The following TUB variants were observed in gnomAD, a reference collection of about 807,000 sequenced individuals.
TUB encodes the protein TUB bipartite transcription factor, also known as tubby protein homolog.
In TUB, 33 loss-of-function variants were observed where a neutral mutation model predicts 59.7. The observed-to-expected ratio is 0.55, with a 90% confidence interval of 0.42 to 0.74. The LOEUF (loss-of-function observed/expected upper bound fraction) is 0.74. TUB is among the 30% of genes least tolerant of loss of function. The pLI is 0.00. For missense variants in TUB, 659 were observed against 672.0 expected, an observed-to-expected ratio of 0.98 and a Z score of 0.21; for synonymous variants, 293 against 256.4, an observed-to-expected ratio of 1.14 and a Z score of -1.36.
At position 8,104,134 on chromosome 11, in the gene TUB, C is replaced by T. The variant is rs1944421048; in HGVS notation, c.*2515C>T. On this transcript the variant is annotated 3_prime_UTR_variant, in exon 12 of 12. Coordinates refer to ENST00000299506, the MANE Select transcript of TUB (RefSeq NM_177972.3). ...TAAAGCTGCTAGGGCCCCTAGAAAC[C>T]ACCTGGGTTCAGCCTCTCCCACAAT... 6.6e-6 allele frequency: 1 copy of T among 152,296 alleles called. No homozygotes were observed. The highest frequency in any genetic ancestry group is 2.4e-5 in the African/African-American group (1 of 41,466). The allele number at this position is 152,296 out of a possible 1,614,324, so 9.4% of individuals were successfully genotyped here.
chr11:8,057,384 C>T (rs901847356), intron 2 of TUB, among the ~76,000 whole-genome samples: 2 of 152,134 alleles, frequency 1.3e-5, no homozygotes, highest in Admixed American at 1.3e-4. Context: ...GTTTTTATTT[C>T]TGTAACCGGT....
chr11:8,033,983 TGTTTCCAG>T (rs1456234332), upstream of TUB, among the ~76,000 whole-genome samples: 3 of 152,204 alleles, frequency 2.0e-5, no homozygotes, highest in Non-Finnish European at 4.4e-5. Flanking sequence ...AATAGGCGTT[TGTTTCCAG>T]GTAGAATTTT....
intron 4 of TUB, among the ~76,000 whole-genome samples, chr11:8,094,727 A>G (rs575577839): frequency 4.0e-4 from 61 of 152,310 alleles, no homozygotes; most frequent in African/African-American, 1.5e-3. Flanking sequence ...AAGGACAGTG[A>G]TTGGCGGTAC....
chr11:8,104,711 G>A lies in TUB; in HGVS notation c.*3092G>A, dbSNP rs574849754. The A allele has an allele frequency of 6.6e-6, 1 of 152,172 alleles. No homozygotes were observed. The highest frequency in any genetic ancestry group is 2.1e-4 in the South Asian group (1 of 4,812). The allele number at this position is 152,172 out of a possible 1,614,324, so 9.4% of individuals were successfully genotyped here. ...CCGCTCTGCATTGCCTGAAAAAACT[G>A]GTATGTTGCACGTATGCTTTTGGTT... On this transcript the variant is annotated 3_prime_UTR_variant, in exon 12 of 12. Coordinates refer to ENST00000299506, the MANE Select transcript of TUB (RefSeq NM_177972.3).
chr11:8,066,434 C>T (rs944510865), intron 2 of TUB, among the ~76,000 whole-genome samples: 4 of 152,196 alleles, frequency 2.6e-5, no homozygotes, highest in African/African-American at 9.6e-5. Flanking sequence ...TACAGCTCCA[C>T]AGCCTGTGCC....
At chr11:8,038,026 A>G (rs1021197216), upstream of TUB, among the ~76,000 whole-genome samples, 4 of 152,140 alleles carry the variant, frequency 2.6e-5, no homozygotes, top group African/African-American at 4.8e-5. Flanking sequence ...GTGCTTGATG[A>G]TTGTCTGGGT....
intron 11 of TUB, 122 bp from the exon 12 acceptor site, chr11:8,101,364 C>T (rs1243372494): frequency 1.5e-6 from 2 of 1,295,614 alleles, no homozygotes; most frequent in Non-Finnish European, 2.2e-6. Context: ...TTTGTGATTC[C>T]CCTGGCATCT....
At chr11:8,083,426 G>A (rs1468606950) in intron 1 of TUB, among the ~76,000 whole-genome samples, 1 of 152,218 alleles carries the variant, frequency 6.6e-6, no homozygotes, top group Non-Finnish European at 1.5e-5. Flanking sequence ...AGAGTGTGCA[G>A]GGGTCTTAGA....
rs375658002 is a variant in TUB at position 8,089,606 on chromosome 11, G to T, written c.39-4G>T. 8 of 1,614,068 alleles carry T rather than the reference G, an allele frequency of 5.0e-6. No individual in the cohort carries two copies. The African/African-American group carries it at 5.3e-5, about 11-fold the overall frequency. On this transcript the variant is annotated splice_polypyrimidine_tract_variant and splice_region_variant and intron_variant, in intron 1 of 11. Transcript: ENST00000299506. ...GCCCTGAAAACCCCTCTTTCGCTCT[G>T]CAGTGTCTTAGATGATGAGGGCAGA...
intron 1 of TUB, among the ~76,000 whole-genome samples, chr11:8,023,167 G>A (rs1341442106): frequency 6.6e-6 from 1 of 152,182 alleles, no homozygotes; most frequent in East Asian, 1.9e-4. Flanking sequence ...ACATGGTGGT[G>A]GAAGGGATTC....
At chr11:8,048,012 C>T (rs1455273406) in intron 2 of TUB, among the ~76,000 whole-genome samples, 4 of 152,006 alleles carry the variant, frequency 2.6e-5, no homozygotes, top group Non-Finnish European at 4.4e-5. Context: ...GAAGGCAGGG[C>T]TGTATCTTTT....
upstream of TUB, among the ~76,000 whole-genome samples, chr11:8,078,367 G>A (rs1053597257): frequency 2.0e-5 from 3 of 152,134 alleles, no homozygotes; most frequent in South Asian, 2.1e-4. Context: ...TGGTGTTTCA[G>A]TCCAGATAAC....
chr11:8,079,868 C>T (rs541571178), upstream of TUB, among the ~76,000 whole-genome samples: 47 of 152,300 alleles, frequency 3.1e-4, no homozygotes, highest in South Asian at 9.3e-3. Flanking sequence ...GACTCAGTTC[C>T]TCTGCTGTGA....
intron 2 of TUB, among the ~76,000 whole-genome samples, chr11:8,054,454 G>A (rs1942984507): frequency 6.6e-6 from 1 of 152,248 alleles, no homozygotes; most frequent in East Asian, 1.9e-4. Context: ...TGGAGAGAGA[G>A]AGAGAGAGAG....
rs527323277 is a variant in TUB at position 8,095,074 on chromosome 11, G to A, written c.398-424G>A. On this transcript the variant is annotated intron_variant, in intron 4 of 11. Transcript: ENST00000299506. ...TAATGATGTATGTGAGTTACTGCAC[G>A]TGTGTATGTTGTGTCTGTTTGTGGA... Among the ~76,000 whole-genome samples the A allele has an allele frequency of 1.9e-3, 285 of 152,346 alleles. 1 individual carries two copies. Among genetic ancestry groups the A allele is most frequent in the Non-Finnish European group, 3.0e-3 (203 of 68,022 alleles).
At chr11:8,022,623 C>A (rs1366292448) in intron 1 of TUB, among the ~76,000 whole-genome samples, 1 of 152,218 alleles carries the variant, frequency 6.6e-6, no homozygotes, top group Non-Finnish European at 1.5e-5. Flanking sequence ...GGCGCGGTGG[C>A]TCAGGCCTGT....
At chr11:8,079,635 GGA>G (rs1332987614), upstream of TUB, among the ~76,000 whole-genome samples, 3 of 151,768 alleles carry the variant, frequency 2.0e-5, no homozygotes, top group Non-Finnish European at 4.4e-5. Context: ...CCAGAAGCCT[GGA>G]GAGAGAGGCC....
Position 8,097,422 on chromosome 11 carries a change from GAAGGT to G in TUB, c.885+3_885+7del. The G allele has an allele frequency of 6.2e-7, 1 of 1,614,232 alleles. No individual in the cohort carries two copies. Among genetic ancestry groups the G allele is most frequent in the Non-Finnish European group, 8.5e-7 (1 of 1,180,040 alleles). ...TGCACCTGGACCGTGAGGATGGGAA[GAAGGT>G]AAGGTTGGTCTGGGCATGTTATCAT... On this transcript the variant is annotated splice_donor_variant and coding_sequence_variant, in exon 7 of 12. Transcript: ENST00000299506. LOFTEE classifies it high-confidence loss of function.
intron 2 of TUB, among the ~76,000 whole-genome samples, chr11:8,044,907 G>A (rs537544937): frequency 2.0e-5 from 3 of 152,300 alleles, no homozygotes; most frequent in Non-Finnish European, 2.9e-5. Context: ...CTAGGGCAAG[G>A]TATGCAATGG....
Sources: gnomAD v4.1 joint callset for allele counts (sites outside exome capture counted in the v4.1 genomes callset) on GRCh38, gnomAD v4.1.1 for gene constraint, MANE v1.5 for transcripts, NCBI Gene and HGNC (gene_info 2026-07-23, HGNC 2026-07-21) for gene names.